Variants in B3GALT1 observed in about 807,000 individuals in gnomAD.
The protein encoded by B3GALT1 is UDP-Gal:betaGlcNAc beta 1,3-galactosyltransferase, polypeptide 1.
B3GALT1 carries 10 observed loss-of-function variants against 23.2 expected under a neutral mutation model. The observed-to-expected ratio is 0.43, with a 90% CI of 0.27 to 0.73. The LOEUF (loss-of-function observed/expected upper bound fraction) is 0.73. Ranked by LOEUF, B3GALT1 falls within the 30% of genes least tolerant of loss-of-function variation. The probability of loss-of-function intolerance (pLI) is 0.21; values close to 1 mark genes in which losing one functional copy is unlikely to be tolerated. For synonymous variants in B3GALT1, 156 were observed against 141.5 expected, an observed-to-expected ratio of 1.10 and a Z score of -0.73; for missense variants, 299 against 405.4, an observed-to-expected ratio of 0.74 and a Z score of 2.25.
intron 1 of B3GALT1, among the ~76,000 whole-genome samples, chr2:167,367,978 G>T (rs1210021237): frequency 6.6e-6 from 1 of 152,164 alleles, no homozygotes; most frequent in Non-Finnish European, 1.5e-5. Context: ...AGCCAGAAAA[G>T]AATTTTCTGT....
chr2:167,544,614 A>G (rs1683594024), intron 2 of B3GALT1, among the ~76,000 whole-genome samples: 1 of 152,128 alleles, frequency 6.6e-6, no homozygotes, highest in Admixed American at 6.5e-5. Context: ...TAATGGCCAG[A>G]TAACAGCGTT....
intron 3 of B3GALT1, among the ~76,000 whole-genome samples, chr2:167,700,921 G>C (rs879679434): frequency 6.6e-6 from 1 of 152,132 alleles, no homozygotes; most frequent in African/African-American, 2.4e-5. Context: ...ACATAGGATC[G>C]TGATTCAACA....
intron 3 of B3GALT1, among the ~76,000 whole-genome samples, chr2:167,651,066 A>G (rs959063555): frequency 3.9e-5 from 6 of 152,044 alleles, no homozygotes; most frequent in African/African-American, 1.4e-4. Flanking sequence ...TTCTATAAAG[A>G]TAAATTGTCC....
intron 2 of B3GALT1, among the ~76,000 whole-genome samples, chr2:167,530,406 C>G (rs1307423075): frequency 2.0e-5 from 3 of 152,130 alleles, no homozygotes; most frequent in Admixed American, 2.0e-4. Context: ...AAGATCAGTG[C>G]TTGGCAGCCA....
chr2:167,792,151 AT>A (rs1688449762), intron 3 of B3GALT1, among the ~76,000 whole-genome samples: 1 of 152,164 alleles, frequency 6.6e-6, no homozygotes, highest in Non-Finnish European at 1.5e-5. Flanking sequence ...TGATACAGGT[AT>A]TATTAACTAA....
At chr2:167,347,759 C>T in intron 1 of B3GALT1, among the ~76,000 whole-genome samples, 1 of 151,900 alleles carries the variant, frequency 6.6e-6, no homozygotes, top group East Asian at 1.9e-4. Flanking sequence ...TGTTGCTTTT[C>T]CTTATGGAAA....
At position 167,673,328 on chromosome 2, in the gene B3GALT1, G is replaced by T. The variant is rs116191922; in HGVS notation, c.-352+26362G>T. Among the ~76,000 whole-genome samples, 1,512 of 152,076 alleles carry T rather than the reference G, an allele frequency of 9.9e-3. 18 individuals are homozygous for T. Among genetic ancestry groups the T allele is most frequent in the African/African-American group, 0.034 (1,418 of 41,514 alleles). ...TTGTTAATGTGCAGAATAAAAAATT[G>T]AAAGATAGAAAATGCATTATTTTTA... On this transcript the variant is annotated intron_variant, in intron 3 of 4. Coordinates refer to ENST00000392690, the MANE Select transcript of B3GALT1 (RefSeq NM_020981.4).
chr2:167,478,175 T>C (rs746215838), intron 1 of B3GALT1, among the ~76,000 whole-genome samples: 2 of 152,230 alleles, frequency 1.3e-5, no homozygotes, highest in Admixed American at 6.5e-5. Context: ...GAACAGTTTA[T>C]AGTAATAGAT....
chr2:167,585,948 A>G (rs1157595956), intron 2 of B3GALT1, among the ~76,000 whole-genome samples: 2 of 152,244 alleles, frequency 1.3e-5, no homozygotes, highest in Admixed American at 6.5e-5. Context: ...TGGAACTCAA[A>G]CAAAACTGAT....
intron 1 of B3GALT1, among the ~76,000 whole-genome samples, chr2:167,305,786 C>T (rs1473715080): frequency 1.3e-5 from 2 of 152,086 alleles, no homozygotes; most frequent in African/African-American, 4.8e-5. Flanking sequence ...CAAAGATAGC[C>T]ATGAGAATAA....
intron 3 of B3GALT1, among the ~76,000 whole-genome samples, chr2:167,721,575 A>G (rs998604470): frequency 8.5e-5 from 13 of 152,238 alleles, no homozygotes; most frequent in African/African-American, 3.1e-4. Flanking sequence ...CTAGAAATTG[A>G]TAGAACAAGA....
chr2:167,750,346 G>A (rs1181087873), intron 3 of B3GALT1, among the ~76,000 whole-genome samples: 1 of 152,138 alleles, frequency 6.6e-6, no homozygotes, highest in Admixed American at 6.5e-5. Context: ...AAACACTCAC[G>A]AAGGAGTGGG....
chr2:167,538,738 C>T (rs2105372387), intron 2 of B3GALT1, among the ~76,000 whole-genome samples: 1 of 152,250 alleles, frequency 6.6e-6, no homozygotes, highest in Non-Finnish European at 1.5e-5. Context: ...TCGTTTAGAA[C>T]ATTATATAAA....
intron 2 of B3GALT1, among the ~76,000 whole-genome samples, chr2:167,628,132 T>G (rs909303402): frequency 1.3e-5 from 2 of 151,742 alleles, no homozygotes; most frequent in Non-Finnish European, 3.0e-5. Context: ...GTTTTGCAAA[T>G]ACTTTTTCCC....
chr2:167,607,075 C>CA (rs1684975120), intron 2 of B3GALT1, among the ~76,000 whole-genome samples: 1 of 151,866 alleles, frequency 6.6e-6, no homozygotes, highest in Admixed American at 6.6e-5. Flanking sequence ...CATGAAACCC[C>CA]AAAAAAGTTA....
chr2:167,299,876 CTT>C (rs960788112), intron 1 of B3GALT1, among the ~76,000 whole-genome samples: 1 of 150,668 alleles, frequency 6.6e-6, no homozygotes, highest in Admixed American at 6.6e-5. Context: ...AACATATATT[CTT>C]TTTTTAACTT....
At chr2:167,453,961 A>G (rs775983060) in intron 1 of B3GALT1, among the ~76,000 whole-genome samples, 31 of 152,210 alleles carry the variant, frequency 2.0e-4, no homozygotes, top group Non-Finnish European at 3.4e-4. Flanking sequence ...CATACAAATT[A>G]TAGATTTTTT....
At chr2:167,528,902 G>C (rs1683270553) in intron 2 of B3GALT1, among the ~76,000 whole-genome samples, 1 of 152,060 alleles carries the variant, frequency 6.6e-6, no homozygotes, top group African/African-American at 2.4e-5. Flanking sequence ...GTCTGCTTCT[G>C]GCTTCTCTGC....
intron 1 of B3GALT1, among the ~76,000 whole-genome samples, chr2:167,467,013 C>T (rs1699358025): frequency 6.6e-6 from 1 of 151,384 alleles, no homozygotes; most frequent in Non-Finnish European, 1.5e-5. Context: ...CAGGTGTGAG[C>T]CACAACTCCT....
Sources: gnomAD v4.1 joint callset for allele counts (sites outside exome capture counted in the v4.1 genomes callset) on GRCh38, gnomAD v4.1.1 for gene constraint, MANE v1.5 for transcripts, NCBI Gene and HGNC (gene_info 2026-07-23, HGNC 2026-07-21) for gene names.